MAP3K4: variants seen among roughly 807,000 people sequenced by gnomAD.
MAP3K4 encodes mitogen-activated protein kinase kinase kinase 4.
In MAP3K4, 67 loss-of-function variants were observed where a neutral mutation model predicts 185.6. The ratio of observed to expected loss-of-function variants is 0.36; its 90% confidence interval spans 0.30 to 0.44. The LOEUF (loss-of-function observed/expected upper bound fraction) is 0.44, where lower values mean the gene tolerates loss of function less well. MAP3K4 is among the 20% of genes least tolerant of loss of function. The pLI is 1.00. For synonymous variants in MAP3K4, 702 were observed against 710.4 expected (o/e 0.99, Z 0.19); for missense variants, 1,551 against 1,995.1 (o/e 0.78, Z 4.24).
At position 161,037,868 on chromosome 6, in the gene MAP3K4, G is replaced by C. The variant is rs1425727916; in HGVS notation, c.343+3419G>C. Among the ~76,000 whole-genome samples, 2 of 152,168 alleles carry C rather than the reference G, an allele frequency of 1.3e-5. No individual in the cohort carries two copies. Among genetic ancestry groups the C allele is most frequent in the Non-Finnish European group, 2.9e-5 (2 of 68,042 alleles). Reference sequence around the variant, plus strand: ...GTCTTAGATTAAATGATTGTCTCAAGTCGTGTAGCTACTGTTCCTGCTTCT... The same window carrying C: ...GTCTTAGATTAAATGATTGTCTCAACTCGTGTAGCTACTGTTCCTGCTTCT... On this transcript the variant is annotated intron_variant, in intron 2 of 26. Coordinates refer to ENST00000392142, the MANE Select transcript of MAP3K4 (RefSeq NM_005922.4). The surrounding 1 kb of genome is among the most constrained non-coding windows in gnomAD (Gnocchi z 4.2).
chr6:161,078,122 G>A (rs963334245), intron 5 of MAP3K4, among the ~76,000 whole-genome samples: 1 of 152,178 alleles, frequency 6.6e-6, no homozygotes, highest in African/African-American at 2.4e-5. Flanking sequence ...AGAATGGGTG[G>A]TGGTGGGTAT....
rs1289855575 is a variant in MAP3K4, at chr6:161,070,528, G to A, written c.1708-80G>A. On this transcript the variant is annotated intron_variant, in intron 3 of 26. Transcript: ENST00000392142. The surrounding 1 kb of genome is among the most constrained non-coding windows in gnomAD (Gnocchi z 4.5). ...TGTAGATTTGTTAGCACATTGTAGA[G>A]AATAAGAGTTTATAACCACAACCGT... is the stretch of plus-strand genomic sequence containing the variant. 14 of 1,199,898 alleles carry A rather than the reference G, an allele frequency of 1.2e-5. No individual in the cohort carries two copies. The highest frequency in any genetic ancestry group is 2.2e-5 in the Admixed American group (1 of 45,160). The allele number at this position is 1,199,898 out of a possible 1,614,324, so 74.3% of individuals were successfully genotyped here.
At position 161,043,984 on chromosome 6, in the gene MAP3K4, T is replaced by C. The variant is rs1349110425; in HGVS notation, c.344-4632T>C. Among the ~76,000 whole-genome samples, 2 of 152,252 alleles carry C rather than the reference T, an allele frequency of 1.3e-5. No homozygotes were observed. The highest frequency in any genetic ancestry group is 2.9e-5 in the Non-Finnish European group (2 of 68,042). On this transcript the variant is annotated intron_variant, in intron 2 of 26. Transcript: ENST00000392142. This position sits in a 1 kb window ranked among gnomAD's most constrained non-coding sequence, Gnocchi z 4.3. ...TATTCTAAAGAGCCATTTTTAGTTGTAGATGGTGGGAATTCATTTGTTTGT... is the reference window on the plus strand; with the variant it reads ...TATTCTAAAGAGCCATTTTTAGTTGCAGATGGTGGGAATTCATTTGTTTGT...
rs1562538929 is a variant in MAP3K4, at chr6:161,098,395, G to T, written c.3642G>T (p.Leu1214=). 1.2e-6 allele frequency: 2 copies of T among 1,613,802 alleles called. No homozygotes were observed. Among genetic ancestry groups the T allele is most frequent in the East Asian group, 2.2e-5 (1 of 44,854 alleles). Residue 1214 remains leucine, a synonymous_variant, in exon 17 of 27, where the codon CTG becomes CTT. Coordinates refer to ENST00000392142, the MANE Select transcript of MAP3K4 (RefSeq NM_005922.4). This position sits in a 1 kb window ranked among gnomAD's most constrained non-coding sequence, Gnocchi z 4.4. ...RPSPSGGDSV[L]PKSISSAHDT... ...GCCCCTCTGGTGGTGACTCTGTGCT[G>T]CCCAAATCCATCAGCAGTGCCCATG... is the stretch of plus-strand genomic sequence containing the variant.
chr6:161,087,672 A>T lies in MAP3K4; in HGVS notation c.2557-16A>T, dbSNP rs749991325. 1 of 1,612,944 alleles carries T rather than the reference A, an allele frequency of 6.2e-7. No homozygotes were observed. The highest frequency in any genetic ancestry group is 1.1e-5 in the South Asian group (1 of 91,020). ...TGTACAGTGTTCCTTAAGATTTTGG[A>T]TTATGTCTTTTGCAGGTGCAAATTC... On this transcript the variant is annotated splice_polypyrimidine_tract_variant and intron_variant, in intron 9 of 26. Coordinates refer to ENST00000392142, the MANE Select transcript of MAP3K4 (RefSeq NM_005922.4). The surrounding 1 kb of genome is among the most constrained non-coding windows in gnomAD (Gnocchi z 4.9).
chr6:161,002,752 C>T (rs867586291), intron 1 of MAP3K4, among the ~76,000 whole-genome samples: 24 of 151,914 alleles, frequency 1.6e-4, no homozygotes, highest in Middle Eastern at 3.4e-3. Flanking sequence ...CCACCATGCC[C>T]GGCTAATTTT....
chr6:161,011,567 T>C (rs1186271912), intron 1 of MAP3K4, among the ~76,000 whole-genome samples: 1 of 152,104 alleles, frequency 6.6e-6, no homozygotes, highest in African/African-American at 2.4e-5. Flanking sequence ...CAGAAGTAAG[T>C]GAGGGAAAAT....
chr6:161,049,807 G>A lies in MAP3K4; in HGVS notation c.1535G>A (p.Ser512Asn). 1 of 1,614,162 alleles carries A rather than the reference G, an allele frequency of 6.2e-7. No individual in the cohort carries two copies. The highest frequency in any genetic ancestry group is 2.2e-5 in the East Asian group (1 of 44,878). Reference protein sequence around the residue: ...DSLGWGAPDWSTEAGFSRHCL... With the variant: ...DSLGWGAPDWNTEAGFSRHCL... The stretch of plus-strand genomic sequence containing the variant: ...CTTGGCTGGGGAGCACCAGACTGGA[G>A]CACAGAAGCAGGCTTTAGTAGACAT... The change falls in exon 3 of 27, where the codon AGC becomes AAC. Residue 512 changes from serine to asparagine, a missense_variant. Coordinates refer to ENST00000392142, the MANE Select transcript of MAP3K4 (RefSeq NM_005922.4). This position sits in a 1 kb window ranked among gnomAD's most constrained non-coding sequence, Gnocchi z 8.4.
chr6:161,020,894 G>A (rs1488721572), intron 1 of MAP3K4, among the ~76,000 whole-genome samples: 1 of 152,106 alleles, frequency 6.6e-6, no homozygotes, highest in Non-Finnish European at 1.5e-5. Context: ...AATACACAGG[G>A]CCTTTAAGCC....
At chr6:161,005,788 T>C (rs1032419669) in intron 1 of MAP3K4, among the ~76,000 whole-genome samples, 1 of 152,070 alleles carries the variant, frequency 6.6e-6, no homozygotes, top group South Asian at 2.1e-4. Context: ...CATAGCTGTT[T>C]TTTTATTTTT....
Position 161,109,720 on chromosome 6 carries a change from C to T in MAP3K4, c.4237-35C>T, listed in dbSNP as rs372083439. The T allele has an allele frequency of 3.1e-6, 5 of 1,612,378 alleles. No individual in the cohort carries two copies. The highest frequency in any genetic ancestry group is 4.2e-6 in the Non-Finnish European group (5 of 1,178,888). On this transcript the variant is annotated intron_variant, in intron 22 of 26. Coordinates refer to ENST00000392142, the MANE Select transcript of MAP3K4 (RefSeq NM_005922.4). This position sits in a 1 kb window ranked among gnomAD's most constrained non-coding sequence, Gnocchi z 5.7. ...TCACTAGCGTACATCTAAGGAAAAC[C>T]GTAAACACAGAGCTGCCCTTTATTC...
chr6:161,093,126 GT>G lies in MAP3K4; in HGVS notation c.3348+74del. 1 of 1,017,242 alleles carries G rather than the reference GT, an allele frequency of 9.8e-7. No individual in the cohort carries two copies. The highest frequency in any genetic ancestry group is 1.5e-6 in the Non-Finnish European group (1 of 662,062). 63.0% of individuals were successfully genotyped at this position (1,017,242 alleles called of 1,614,324 possible). The stretch of plus-strand genomic sequence containing the variant: ...CACTCCTTATTTTCTGGTTGTATAT[GT>G]TTTATATGTAATAGTGGTTTTTTTC... On this transcript the variant is annotated intron_variant, in intron 14 of 26. Coordinates refer to ENST00000392142, the MANE Select transcript of MAP3K4 (RefSeq NM_005922.4). The surrounding 1 kb of genome is among the most constrained non-coding windows in gnomAD (Gnocchi z 5.2).
rs1481958258 is a variant in MAP3K4 at position 161,073,136 on chromosome 6, A to G, written c.1951-330A>G. Among the ~76,000 whole-genome samples, 6 of 152,124 alleles carry G rather than the reference A, an allele frequency of 3.9e-5. No individual in the cohort carries two copies. The highest frequency in any genetic ancestry group is 1.4e-4 in the African/African-American group (6 of 41,418). On this transcript the variant is annotated intron_variant, in intron 4 of 26. Coordinates refer to ENST00000392142, the MANE Select transcript of MAP3K4 (RefSeq NM_005922.4). The surrounding 1 kb of genome is among the most constrained non-coding windows in gnomAD (Gnocchi z 4.2). ...TCTTGTAATGTAAATTAGTAGAAAA[A>G]TTGATTTTATTCTATGGGATTTACT...
chr6:161,014,966 G>C (rs1411351510), intron 1 of MAP3K4, among the ~76,000 whole-genome samples: 1 of 152,088 alleles, frequency 6.6e-6, no homozygotes, highest in Non-Finnish European at 1.5e-5. Flanking sequence ...TTCTGTCTCT[G>C]TATATTTTCC....
chr6:161,068,108 G>C (rs201159206), intron 3 of MAP3K4, among the ~76,000 whole-genome samples: 1 of 152,120 alleles, frequency 6.6e-6, no homozygotes, highest in African/African-American at 2.4e-5. Context: ...GGCAAGTACC[G>C]AGCTAAGTTT....
intron 1 of MAP3K4, among the ~76,000 whole-genome samples, chr6:161,025,985 T>C (rs905503296): frequency 2.0e-5 from 3 of 152,172 alleles, no homozygotes; most frequent in African/African-American, 2.4e-5. Flanking sequence ...TGCTTTCCCT[T>C]GAATAGTTTT....
intron 2 of MAP3K4, among the ~76,000 whole-genome samples, chr6:161,036,101 G>A (rs1371408449): frequency 1.3e-5 from 2 of 152,210 alleles, no homozygotes; most frequent in African/African-American, 4.8e-5. Flanking sequence ...CCAGTCACTA[G>A]ATGTTTGTTG....
intron 1 of MAP3K4, among the ~76,000 whole-genome samples, chr6:161,025,298 T>A (rs915674962): frequency 1.2e-4 from 19 of 152,124 alleles, no homozygotes; most frequent in South Asian, 2.1e-4. Flanking sequence ...TATTGGAGAG[T>A]GGTATTGGGA....
Position 161,101,169 on chromosome 6 carries a change from T to C in MAP3K4, c.3675-723T>C, listed in dbSNP as rs1458374934. 1 of 152,214 alleles carries C rather than the reference T, an allele frequency of 6.6e-6. No individual in the cohort carries two copies. Among genetic ancestry groups the C allele is most frequent in the African/African-American group, 2.4e-5 (1 of 41,454 alleles). The allele number at this position is 152,214 out of a possible 1,614,324, so 9.4% of individuals were successfully genotyped here. On this transcript the variant is annotated intron_variant, in intron 17 of 26. Transcript: ENST00000392142. The surrounding 1 kb of genome is among the most constrained non-coding windows in gnomAD (Gnocchi z 5.1). ...TAACACATTCCCTATTTAGTTTTAA[T>C]TTTTACTCTTTATGGGTTCATTCTG... is the stretch of plus-strand genomic sequence containing the variant.
Sources: allele counts gnomAD v4.1 joint callset (sites outside exome capture counted in the v4.1 genomes callset), GRCh38; gene constraint gnomAD v4.1.1; non-coding constraint Gnocchi (gnomAD v3.1); transcripts MANE v1.5; gene names NCBI Gene and HGNC (gene_info 2026-07-23, HGNC 2026-07-21).